TRPC5: variants seen among roughly 807,000 people sequenced by gnomAD.
TRPC5 encodes the protein short transient receptor potential channel 5.
Under a neutral mutation model 56.5 loss-of-function variants are expected in TRPC5, and 9 were observed. The ratio of observed to expected loss-of-function variants is 0.16; its 90% CI spans 0.10 to 0.28. The LOEUF (loss-of-function observed/expected upper bound fraction) is 0.28, where lower values mean the gene tolerates loss of function less well. Among genes scored for constraint, TRPC5 ranks in the 10% least tolerant of loss-of-function variants. The pLI is 1.00. For synonymous variants in TRPC5, 282 were observed against 278.5 expected (o/e 1.01, Z -0.13); for missense variants, 469 against 748.9 (o/e 0.63, Z 4.36).
At chrX:111,809,483 C>T (rs1416707825) in intron 7 of TRPC5, among the ~76,000 whole-genome samples, 4 of 111,680 alleles carry the variant, frequency 3.6e-5, no homozygotes, top group Non-Finnish European at 5.6e-5. Flanking sequence ...ACTATGCTCT[C>T]CCTCTTCCAA....
intron 1 of TRPC5, among the ~76,000 whole-genome samples, chrX:112,075,373 T>C (rs767349922): frequency 1.8e-5 from 2 of 111,585 alleles, no homozygotes; most frequent in Non-Finnish European, 3.8e-5. Context: ...CCTCACCTGT[T>C]AAATGGGAAT....
rs1170730077 is a variant in TRPC5 at position 111,853,082 on chromosome X, T to C, written c.1238-645A>G. On this transcript the variant is annotated intron_variant, in intron 4 of 10. Coordinates refer to ENST00000262839, the MANE Select transcript of TRPC5 (RefSeq NM_012471.3). ...ACTTTCTCAGACTTTAAAGTACATGTGAATTACCTGAGGATCATGTTAAAA... is the reference window on the plus strand; with the variant it reads ...ACTTTCTCAGACTTTAAAGTACATGCGAATTACCTGAGGATCATGTTAAAA... Among the ~76,000 whole-genome samples, 3 of 111,846 alleles carry C rather than the reference T, an allele frequency of 2.7e-5. No individual in the cohort carries two copies. The Admixed American group carries it at 2.9e-4, about 11-fold the overall frequency.
At chrX:111,991,661 C>T (rs1383267870) in intron 1 of TRPC5, among the ~76,000 whole-genome samples, 1 of 112,110 alleles carries the variant, frequency 8.9e-6, no homozygotes, top group Non-Finnish European at 1.9e-5. Context: ...TTTCTAAAAA[C>T]CTGGCAGCAA....
chrX:111,824,222 C>G (rs1218827508), intron 7 of TRPC5, among the ~76,000 whole-genome samples: 1 of 86,943 alleles, frequency 1.2e-5, no homozygotes, highest in Admixed American at 1.1e-4. Context: ...AGAGCAAGAC[C>G]CTGTCTCAAA....
chrX:111,809,954 G>A (rs1320538332), intron 7 of TRPC5, among the ~76,000 whole-genome samples: 1 of 108,193 alleles, frequency 9.2e-6, no homozygotes. Flanking sequence ...TTGCCCTGTC[G>A]CCCAGGCTGG....
chrX:111,904,593 T>TGGACACAGGGAGGGGAGAAACACAC (rs1925519676), intron 3 of TRPC5, among the ~76,000 whole-genome samples: 1 of 107,552 alleles, frequency 9.3e-6, no homozygotes, highest in African/African-American at 3.4e-5. Context: ...TGAGAACACA[T>TGGACACAGGGAGGGGAGAAACACAC]GGACACAGGG....
At chrX:111,971,313 T>C (rs192368595) in intron 1 of TRPC5, among the ~76,000 whole-genome samples, 1 of 111,821 alleles carries the variant, frequency 8.9e-6, no homozygotes, top group African/African-American at 3.2e-5. Flanking sequence ...AACAGGATGA[T>C]TCAGACTAAA....
chrX:111,869,512 T>G (rs1923667092), intron 3 of TRPC5, among the ~76,000 whole-genome samples: 1 of 112,097 alleles, frequency 8.9e-6, no homozygotes, highest in Non-Finnish European at 1.9e-5. Flanking sequence ...AAACTAGGGC[T>G]AAGCCTCACT....
At chrX:111,863,621 T>C (rs1311388959) in intron 3 of TRPC5, among the ~76,000 whole-genome samples, 1 of 112,079 alleles carries the variant, frequency 8.9e-6, no homozygotes, top group Non-Finnish European at 1.9e-5. Flanking sequence ...TCTTACCTAA[T>C]TGACCTGGCT....
intron 1 of TRPC5, among the ~76,000 whole-genome samples, chrX:112,017,695 G>A (rs949705257): frequency 2.7e-5 from 3 of 111,371 alleles, no homozygotes; most frequent in East Asian, 2.8e-4. Flanking sequence ...CACCAGCAGC[G>A]TCTGAAATAC....
chrX:111,978,911 G>T (rs1431915331), intron 1 of TRPC5, among the ~76,000 whole-genome samples: 3 of 110,890 alleles, frequency 2.7e-5, no homozygotes, highest in African/African-American at 9.8e-5. Context: ...GTTTAAAAAA[G>T]ACCCGCAGCT....
intron 7 of TRPC5, among the ~76,000 whole-genome samples, chrX:111,789,617 A>G (rs1198920160): frequency 8.9e-6 from 1 of 112,386 alleles, no homozygotes; most frequent in African/African-American, 3.2e-5. Context: ...CTACCATCAG[A>G]GAGAACAGGC....
chrX:111,997,694 T>G (rs1928580399), intron 1 of TRPC5, among the ~76,000 whole-genome samples: 1 of 110,306 alleles, frequency 9.1e-6, no homozygotes, highest in African/African-American at 3.3e-5. Context: ...CATTTCTTTT[T>G]ACTCTTTTGT....
At chrX:112,033,603 T>G (rs1301253758) in intron 1 of TRPC5, among the ~76,000 whole-genome samples, 1 of 111,106 alleles carries the variant, frequency 9.0e-6, no homozygotes, top group Non-Finnish European at 1.9e-5. Flanking sequence ...CTAAGAATCC[T>G]TTGTGAAATT....
intron 1 of TRPC5, among the ~76,000 whole-genome samples, chrX:111,994,854 G>A (rs1464061718): frequency 8.9e-6 from 1 of 111,928 alleles, no homozygotes; most frequent in Non-Finnish European, 1.9e-5. Context: ...TCCAAACAGG[G>A]ATGATTTGAC....
chrX:111,956,464 G>A (rs981389368), intron 1 of TRPC5, among the ~76,000 whole-genome samples: 3 of 110,938 alleles, frequency 2.7e-5, no homozygotes, highest in African/African-American at 9.8e-5. Context: ...TATATACCGG[G>A]CACTATAATA....
At chrX:112,020,663 T>A (rs771743643) in intron 1 of TRPC5, among the ~76,000 whole-genome samples, 25 of 111,341 alleles carry the variant, frequency 2.2e-4, no homozygotes, top group Admixed American at 6.7e-4. Context: ...AATAATGAAA[T>A]CTCTGGGGTG....
At chrX:112,076,801 A>C (rs1224418983) in intron 1 of TRPC5, among the ~76,000 whole-genome samples, 1 of 111,720 alleles carries the variant, frequency 9.0e-6, no homozygotes, top group Non-Finnish European at 1.9e-5. Context: ...TTCACTAGGG[A>C]CACCTGTAAT....
rs191796762 is a variant in TRPC5, at chrX:112,023,016, G to A, written c.-22+58863C>T. 2.0e-4 allele frequency among the ~76,000 whole-genome samples: 22 copies of A among 110,100 alleles called. 1 individual carries two copies. Among genetic ancestry groups the A allele is most frequent in the Admixed American group, 1.6e-3 (17 of 10,350 alleles). On this transcript the variant is annotated intron_variant, in intron 1 of 10. Transcript: ENST00000262839. ...GTGGCGCGATCTCGGCTCACTGCAA[G>A]CTCTACTTCCCGGGTTCACGCCATT...
Sources: gnomAD v4.1 joint callset for allele counts (sites outside exome capture counted in the v4.1 genomes callset) on GRCh38, gnomAD v4.1.1 for gene constraint, MANE v1.5 for transcripts, NCBI Gene and HGNC (gene_info 2026-07-23, HGNC 2026-07-21) for gene names.